Variants in TLN2 observed in about 807,000 individuals in gnomAD.
TLN2 encodes the protein talin 2, also known as talin-2.
In TLN2, 118 loss-of-function variants were observed where a neutral mutation model predicts 294.7. That is an observed-to-expected ratio of 0.40 (90% CI 0.34 to 0.47). The LOEUF (loss-of-function observed/expected upper bound fraction) is 0.47, where lower values mean the gene tolerates loss of function less well. TLN2 is among the 20% of genes least tolerant of loss of function. The probability of loss-of-function intolerance (pLI) is 0.84; values close to 1 mark genes in which losing one functional copy is unlikely to be tolerated. For missense variants in TLN2, 3,083 were observed against 3,282.2 expected, an observed-to-expected ratio of 0.94 and a Z score of 1.48; for synonymous variants, 1,431 against 1,304.5, an observed-to-expected ratio of 1.10 and a Z score of -2.09.
intron 1 of TLN2, among the ~76,000 whole-genome samples, chr15:62,538,635 G>C (rs1023005441): frequency 1.2e-4 from 18 of 152,108 alleles, no homozygotes; most frequent in African/African-American, 4.3e-4. Context: ...TTTGATTTCT[G>C]AATCTACAGG....
chr15:62,433,655 A>C lies in TLN2; in HGVS notation c.-238+42970A>C, dbSNP rs1049391331. ...TTTTTCCCCCAGATGGCCTTTGTACATAAGGGCCCCTGTTCTGGTGTAAGG... is the reference window on the plus strand; with the variant it reads ...TTTTTCCCCCAGATGGCCTTTGTACCTAAGGGCCCCTGTTCTGGTGTAAGG... On this transcript the variant is annotated intron_variant, in intron 1 of 58. Coordinates refer to ENST00000636159, the MANE Select transcript of TLN2 (RefSeq NM_015059.3). Among the ~76,000 whole-genome samples, 48 of 152,078 alleles carry C rather than the reference A, an allele frequency of 3.2e-4. 1 individual carries two copies. The highest frequency in any genetic ancestry group is 1.3e-4 in the Admixed American group (2 of 15,262).
At chr15:62,705,448 G>A (rs867148545) in intron 19 of TLN2, among the ~76,000 whole-genome samples, 1 of 152,174 alleles carries the variant, frequency 6.6e-6, no homozygotes, top group Non-Finnish European at 1.5e-5. Context: ...TTTTGACAAA[G>A]GCCTTGTCAG....
In TLN2 at chr15:62,783,061, CAG is replaced by C. The variant is rs2064320978; in HGVS notation, c.5617-706_5617-705del. ...AATTGAGATGCATCAGTCAATGAAA[CAG>C]AGAAAAATCCTGAGTATCTTCATAA... On this transcript the variant is annotated intron_variant, in intron 44 of 58. Transcript: ENST00000636159. Among the ~76,000 whole-genome samples, 4 of 152,174 alleles carry C rather than the reference CAG, an allele frequency of 2.6e-5. No individual in the cohort carries two copies. The South Asian group carries it at 8.3e-4, about 32-fold the overall frequency.
intron 16 of TLN2, 46 bp downstream of exon 16, chr15:62,698,913 G>A (rs370937929): frequency 5.8e-6 from 9 of 1,545,158 alleles, no homozygotes; most frequent in East Asian, 4.6e-5. Context: ...TGCCCTGGCA[G>A]AAAGCAGGGT....
chr15:62,506,036 C>T (rs144566696), intron 1 of TLN2, among the ~76,000 whole-genome samples: 76 of 152,254 alleles, frequency 5.0e-4, no homozygotes, highest in African/African-American at 1.6e-3. Flanking sequence ...TTGTTCTAGA[C>T]GCGGGGAAAA....
At chr15:62,832,022 A>G (rs1277485529) in intron 54 of TLN2, 2 of 152,102 alleles carry the variant, frequency 1.3e-5, no homozygotes, top group African/African-American at 2.4e-5. Flanking sequence ...TCATGCTGCC[A>G]CATCACCTTG....
At chr15:62,491,932 CAAAT>C (rs916003345) in intron 1 of TLN2, among the ~76,000 whole-genome samples, 1 of 152,040 alleles carries the variant, frequency 6.6e-6, no homozygotes, top group Admixed American at 6.5e-5. Context: ...GAAAAAAAGA[CAAAT>C]AATTGGCCTC....
chr15:62,839,471 C>T (rs2070325479), intron 58 of TLN2, among the ~76,000 whole-genome samples: 1 of 152,184 alleles, frequency 6.6e-6, no homozygotes, highest in Non-Finnish European at 1.5e-5. Context: ...GGAGGTACTG[C>T]CCACTGCAGA....
At chr15:62,789,467 CA>C (rs2064926157) in intron 45 of TLN2, among the ~76,000 whole-genome samples, 1 of 152,088 alleles carries the variant, frequency 6.6e-6, no homozygotes, top group African/African-American at 2.4e-5. Context: ...GTGTCACCTC[CA>C]AGAAAGGGGC....
At chr15:62,666,071 A>T (rs911553929) in intron 9 of TLN2, among the ~76,000 whole-genome samples, 29 of 152,152 alleles carry the variant, frequency 1.9e-4, no homozygotes, top group South Asian at 4.2e-4. Flanking sequence ...CTACTTTCAA[A>T]CCAGGAACCG....
intron 5 of TLN2, 78 bp from the exon 6 acceptor site, chr15:62,651,926 AT>A (rs2052636642): frequency 7.0e-7 from 1 of 1,430,580 alleles, no homozygotes; most frequent in Non-Finnish European, 9.3e-7. Context: ...TTTAAAATTC[AT>A]TTTTTAAAGA....
chr15:62,840,190 G>T (rs1205938632), intron 58 of TLN2, among the ~76,000 whole-genome samples: 2 of 152,220 alleles, frequency 1.3e-5, no homozygotes, highest in Non-Finnish European at 2.9e-5. Context: ...CTTCAGTGAA[G>T]GGACTGTCTA....
chr15:62,781,758 A>G (rs2064190885), intron 44 of TLN2, among the ~76,000 whole-genome samples: 1 of 152,236 alleles, frequency 6.6e-6, no homozygotes, highest in Non-Finnish European at 1.5e-5. Flanking sequence ...ATAAGAAAAA[A>G]AAAATTCCGA....
intron 1 of TLN2, among the ~76,000 whole-genome samples, chr15:62,574,957 A>AC (rs2044261249): frequency 1.3e-5 from 2 of 152,146 alleles, no homozygotes; most frequent in Admixed American, 6.5e-5. Context: ...GATTGCCAAA[A>AC]AAAATGGAGA....
chr15:62,698,063 G>T (rs1171852294), intron 15 of TLN2, among the ~76,000 whole-genome samples, 195 bp downstream of exon 15: 1 of 152,224 alleles, frequency 6.6e-6, no homozygotes, highest in Non-Finnish European at 1.5e-5. Flanking sequence ...TGTCCTCTGT[G>T]ACTGGAAAAT....
At chr15:62,728,337 T>C (rs936732165) in intron 28 of TLN2, among the ~76,000 whole-genome samples, 8 of 152,250 alleles carry the variant, frequency 5.3e-5, no homozygotes, top group Admixed American at 5.2e-4. Flanking sequence ...TCTATGGTAT[T>C]ATATTACATG....
intron 46 of TLN2, 93 bp from the exon 47 acceptor site, chr15:62,796,034 C>T: frequency 1.3e-6 from 2 of 1,494,126 alleles, no homozygotes; most frequent in Non-Finnish European, 9.1e-7. Context: ...GCTACATCAA[C>T]TCCTAGGAGA....
chr15:62,525,020 A>G (rs2040661599), intron 1 of TLN2, among the ~76,000 whole-genome samples: 2 of 152,190 alleles, frequency 1.3e-5, no homozygotes, highest in African/African-American at 4.8e-5. Context: ...CCTCATAGTC[A>G]TCGTGATAGC....
intron 1 of TLN2, among the ~76,000 whole-genome samples, chr15:62,549,659 T>C (rs72753895): frequency 6.6e-6 from 1 of 152,240 alleles, no homozygotes; most frequent in Non-Finnish European, 1.5e-5. Flanking sequence ...ATGTGGTATA[T>C]ACTGTATGTA....
Sources: allele counts gnomAD v4.1 joint callset (sites outside exome capture counted in the v4.1 genomes callset), GRCh38; gene constraint gnomAD v4.1.1; transcripts MANE v1.5; gene names NCBI Gene and HGNC (gene_info 2026-07-23, HGNC 2026-07-21).